COG4: variants seen among roughly 807,000 people sequenced by gnomAD.
COG4 encodes component of oligomeric golgi complex 4, also known as conserved oligomeric Golgi complex subunit 4.
COG4 carries 65 observed loss-of-function variants against 95.1 expected under a neutral mutation model. The ratio of observed to expected loss-of-function variants is 0.68; its 90% confidence interval spans 0.56 to 0.84. The LOEUF (loss-of-function observed/expected upper bound fraction) is 0.84, where lower values mean the gene tolerates loss of function less well. Among genes scored for constraint, COG4 ranks in the 40% least tolerant of loss-of-function variants. The pLI is 0.00. For missense variants in COG4, 1,045 were observed against 989.1 expected (o/e 1.06, Z -0.76); for synonymous variants, 421 against 374.8 (o/e 1.12, Z -1.42).
chr16:70,481,909 T>C, intron 16 of COG4, 44 bp from the exon 17 acceptor site: 3 of 1,532,048 alleles, frequency 2.0e-6, no homozygotes, highest in Non-Finnish European at 2.7e-6. Flanking sequence ...ACCTAACTCC[T>C]CTGCCTCTAT....
At chr16:70,499,464 T>C (rs2049404371) in intron 9 of COG4, among the ~76,000 whole-genome samples, 1 of 152,252 alleles carries the variant, frequency 6.6e-6, no homozygotes, top group South Asian at 2.1e-4. Flanking sequence ...GCACAAGCCA[T>C]GCAGAATGCC....
chr16:70,519,477 CTG>C (rs1419034113), intron 2 of COG4, among the ~76,000 whole-genome samples, 170 bp downstream of exon 2: 1 of 152,198 alleles, frequency 6.6e-6, no homozygotes, highest in Non-Finnish European at 1.5e-5. Flanking sequence ...GGTCCAAGGA[CTG>C]TTTGAAAACC....
intron 8 of COG4, among the ~76,000 whole-genome samples, chr16:70,507,738 T>C (rs1462878716): frequency 6.6e-6 from 1 of 151,480 alleles, no homozygotes; most frequent in Non-Finnish European, 1.5e-5. Flanking sequence ...GGTGCACGCC[T>C]GTAGTTCCAG....
intron 8 of COG4, among the ~76,000 whole-genome samples, chr16:70,505,620 G>C (rs1269165981): frequency 6.7e-6 from 1 of 149,972 alleles, no homozygotes; most frequent in Non-Finnish European, 1.5e-5. Context: ...ATGAGGTCAG[G>C]AGATCGAGAC....
intron 16 of COG4, 111 bp downstream of exon 16, chr16:70,481,981 G>C: frequency 7.5e-7 from 1 of 1,330,216 alleles, no homozygotes; most frequent in East Asian, 2.3e-5. Flanking sequence ...TACAGGTGAG[G>C]GTTGGAAGGG....
Position 70,481,070 on chromosome 16 carries a change from G to C in COG4, c.2310C>G (p.Arg770=), listed in dbSNP as rs533161794. ...LTWRLTPAEV[R]QVLALRIDFR... ...AGTCTATCCGCAGGGCCAGCACCTG[G>C]CGCACTTCAGCAGGGGTGAGGCGCC... is the stretch of plus-strand genomic sequence containing the variant. The change falls in exon 19 of 19, where the codon CGC becomes CGG. Residue 770 remains arginine (R), a synonymous_variant. Coordinates refer to ENST00000323786, the MANE Select transcript of COG4 (RefSeq NM_015386.3). 915 of 1,613,416 alleles carry C rather than the reference G, an allele frequency of 5.7e-4. 16 individuals carry two copies. The South Asian group carries it at 9.5e-3, about 17-fold the overall frequency.
intron 1 of COG4, 156 bp downstream of exon 1, chr16:70,523,217 C>A: frequency 2.4e-6 from 2 of 837,500 alleles, no homozygotes; most frequent in South Asian, 2.9e-5. Context: ...AAAGAGTTGA[C>A]AGGACTACTC....
At chr16:70,504,378 G>A (rs1239843777) in intron 8 of COG4, among the ~76,000 whole-genome samples, 3 of 152,020 alleles carry the variant, frequency 2.0e-5, no homozygotes, top group South Asian at 2.1e-4. Flanking sequence ...AGGCTGAGGC[G>A]GGCAGATCAC....
chr16:70,502,047 G>A (rs1328132994), intron 8 of COG4, among the ~76,000 whole-genome samples: 1 of 151,836 alleles, frequency 6.6e-6, no homozygotes, highest in Non-Finnish European at 1.5e-5. Flanking sequence ...ACTTTGGGAG[G>A]CTGAGGCGGG....
At chr16:70,496,235 C>A in intron 12 of COG4, 31 bp downstream of exon 12, 1 of 1,613,828 alleles carries the variant, frequency 6.2e-7, no homozygotes, top group Middle Eastern at 1.6e-4. Context: ...CGAGATAAAC[C>A]AACCCAGCTC....
In COG4 at chr16:70,501,034, G is replaced by A; in HGVS notation, c.1119C>T (p.Tyr373=). Residue 373 remains tyrosine (Y), a synonymous_variant, in exon 9 of 19, where the codon TAC becomes TAT. Coordinates refer to ENST00000323786, the MANE Select transcript of COG4 (RefSeq NM_015386.3). The part of the protein sequence containing the change: ...VTLMNARSEL[Y]LRFLKKRISS... ...TAATCCTCTTCTTGAGGAAGCGTAA[G>A]TATAGCTCACTGCGGGCATTCATCA... 1.2e-6 allele frequency: 2 copies of A among 1,614,014 alleles called. No individual in the cohort carries two copies. Among genetic ancestry groups the A allele is most frequent in the Non-Finnish European group, 1.7e-6 (2 of 1,179,968 alleles).
chr16:70,481,552 C>T, intron 17 of COG4, 65 bp from the exon 18 acceptor site: 1 of 1,607,512 alleles, frequency 6.2e-7, no homozygotes, highest in Non-Finnish European at 8.5e-7. Context: ...CTCCAGTTGC[C>T]CCCAGAGCTG....
At chr16:70,499,166 G>A (rs899903780) in intron 9 of COG4, among the ~76,000 whole-genome samples, 1 of 152,116 alleles carries the variant, frequency 6.6e-6, no homozygotes, top group African/African-American at 2.4e-5. Context: ...CATAACTTAG[G>A]AACTGAATAT....
intron 13 of COG4, among the ~76,000 whole-genome samples, chr16:70,485,043 C>T (rs144148905): frequency 6.6e-6 from 1 of 152,118 alleles, no homozygotes; most frequent in Non-Finnish European, 1.5e-5. Context: ...AACTGAGGCA[C>T]AGAAGTTAAT....
intron 5 of COG4, among the ~76,000 whole-genome samples, chr16:70,510,681 A>G (rs1245864274): frequency 6.6e-6 from 1 of 152,008 alleles, no homozygotes; most frequent in Non-Finnish European, 1.5e-5. Flanking sequence ...TGCAGAAGGG[A>G]CTTTTACTGG....
chr16:70,519,771 A>C (rs1227941321), intron 1 of COG4, 40 bp from the exon 2 acceptor site: 2 of 1,437,354 alleles, frequency 1.4e-6, no homozygotes, highest in Non-Finnish European at 2.0e-6. Context: ...GAATGATCAG[A>C]AGGAACCTTA....
chr16:70,498,988 G>C (rs1232874764), intron 9 of COG4, among the ~76,000 whole-genome samples: 1 of 152,176 alleles, frequency 6.6e-6, no homozygotes, highest in African/African-American at 2.4e-5. Flanking sequence ...GCCAAGGCGC[G>C]AGGATCGCTT....
At chr16:70,510,583 C>G (rs1274602576) in intron 5 of COG4, among the ~76,000 whole-genome samples, 1 of 152,162 alleles carries the variant, frequency 6.6e-6, no homozygotes, top group South Asian at 2.1e-4. Context: ...CCTCAGCATC[C>G]CAAAGTGTTG....
Position 70,508,439 on chromosome 16 carries a change from A to T in COG4, c.1028T>A (p.Met343Lys), listed in dbSNP as rs1259003890. 2.3e-5 allele frequency: 37 copies of T among 1,613,564 alleles called. No homozygotes were observed. The highest frequency in any genetic ancestry group is 3.1e-5 in the Non-Finnish European group (36 of 1,179,572). ...GATTTTTTCTGTTGTAGAATTTCTC[A>T]TCAGGTTGTTCTGAACATGCCGGAA... is the stretch of plus-strand genomic sequence containing the variant. Reference protein sequence around the residue: ...QQFRHVQNNLMRNSTTEKIEP... With the variant: ...QQFRHVQNNLKRNSTTEKIEP... The change falls in exon 8 of 19, where the codon ATG (methionine) becomes AAG (lysine). Residue 343 changes from methionine to lysine, a missense_variant. Coordinates refer to ENST00000323786, the MANE Select transcript of COG4 (RefSeq NM_015386.3).
Sources: allele counts gnomAD v4.1 joint callset (sites outside exome capture counted in the v4.1 genomes callset), GRCh38; gene constraint gnomAD v4.1.1; transcripts MANE v1.5; gene names NCBI Gene and HGNC (gene_info 2026-07-23, HGNC 2026-07-21).